RFC1: variants seen among roughly 807,000 people sequenced by gnomAD.
The protein encoded by RFC1 is A1 140 kDa subunit.
RFC1 carries 37 observed loss-of-function variants against 137.4 expected under a neutral mutation model. The observed-to-expected ratio is 0.27, with a 90% CI of 0.21 to 0.35. RFC1 has a LOEUF of 0.35. RFC1 is among the 10% of genes least tolerant of loss of function. The pLI, the probability that RFC1 is intolerant of heterozygous loss-of-function variation, is 1.00. For missense variants in RFC1, 1,205 were observed against 1,358.5 expected, an observed-to-expected ratio of 0.89 and a Z score of 1.78; for synonymous variants, 429 against 455.7, an observed-to-expected ratio of 0.94 and a Z score of 0.75.
chr4:39,304,207 G>A (rs926040699), intron 15 of RFC1, among the ~76,000 whole-genome samples: 3 of 152,168 alleles, frequency 2.0e-5, no homozygotes, highest in African/African-American at 7.2e-5. Flanking sequence ...TCCTTAACTT[G>A]AGCATCTTAT....
intron 5 of RFC1, among the ~76,000 whole-genome samples, chr4:39,327,001 G>C (rs921573506): frequency 6.6e-6 from 1 of 152,212 alleles, no homozygotes; most frequent in African/African-American, 2.4e-5. Flanking sequence ...TGGAGGAAGT[G>C]ATAGAATCAA....
chr4:39,303,777 G>A (rs1356115376), intron 15 of RFC1, among the ~76,000 whole-genome samples: 4 of 152,036 alleles, frequency 2.6e-5, no homozygotes, highest in African/African-American at 7.2e-5. Flanking sequence ...TATGTATTTT[G>A]GTGATTCATT....
At chr4:39,316,859 A>G in intron 10 of RFC1, 56 bp downstream of exon 10, 1 of 1,021,156 alleles carries the variant, frequency 9.8e-7, no homozygotes. Flanking sequence ...GAATACATAC[A>G]TGGACCCATA....
rs574061555 is a variant in RFC1 at position 39,300,024 on chromosome 4, C to T, written c.2805G>A (p.Ala935=). ...RSKQNWSLLP[A]QAIYASVLPG... ...TTAGGGAGAGCCCTCTGCTCACCTG[C>T]GCAGGCAGAAGACTCCAGTTTTGCT... The change falls in exon 21 of 25, where the codon GCG becomes GCA. Residue 935 remains alanine (A), a synonymous_variant. Coordinates refer to ENST00000349703, the MANE Select transcript of RFC1 (RefSeq NM_002913.5). 1.0e-5 allele frequency: 16 copies of T among 1,601,248 alleles called. No individual in the cohort carries two copies. Among genetic ancestry groups the T allele is most frequent in the African/African-American group, 8.0e-5 (6 of 74,708 alleles).
In RFC1 at chr4:39,319,613, G is replaced by A. The variant is rs17334999; in HGVS notation, c.1095+770C>T. 7.5e-3 allele frequency among the ~76,000 whole-genome samples: 1,141 copies of A among 152,154 alleles called. 31 individuals carry two copies. The East Asian group carries it at 0.091, about 12-fold the overall frequency. ...AAAAATATTATAATGACTTATGATC[G>A]TTAGAAATAAAACTTGAAAACAAAC... On this transcript the variant is annotated intron_variant, in intron 9 of 24. Transcript: ENST00000349703.
chr4:39,365,465 C>G, intron 1 of RFC1: 2 of 985,312 alleles, frequency 2.0e-6, no homozygotes, highest in Non-Finnish European at 2.4e-6. Flanking sequence ...GCCATACCAT[C>G]AGGAATGTCT....
chr4:39,334,709 T>C (rs1190568467), intron 4 of RFC1, among the ~76,000 whole-genome samples: 1 of 152,344 alleles, frequency 6.6e-6, no homozygotes, highest in Non-Finnish European at 1.5e-5. Context: ...GGAGAACTGG[T>C]TGAAAATCAT....
At chr4:39,319,031 T>G (rs1279074973) in intron 9 of RFC1, among the ~76,000 whole-genome samples, 1 of 152,220 alleles carries the variant, frequency 6.6e-6, no homozygotes, top group Admixed American at 6.5e-5. Flanking sequence ...CTCATCATTT[T>G]TTCCTTTAAA....
At chr4:39,356,182 C>T (rs1000460817) in intron 1 of RFC1, among the ~76,000 whole-genome samples, 2 of 152,008 alleles carry the variant, frequency 1.3e-5, no homozygotes, top group Non-Finnish European at 2.9e-5. Context: ...GGGTGGATTA[C>T]GAGGTCAGGA....
At chr4:39,301,110 AC>A (rs368354234) in intron 19 of RFC1, among the ~76,000 whole-genome samples, 124 of 151,972 alleles carry the variant, frequency 8.2e-4, no homozygotes, top group African/African-American at 2.9e-3. Context: ...ACCAAAAAAA[AC>A]AAAAACAAAA....
chr4:39,295,797 C>A, intron 21 of RFC1, 38 bp from the exon 22 acceptor site: 1 of 1,585,634 alleles, frequency 6.3e-7, no homozygotes, highest in South Asian at 1.2e-5. Context: ...ATTTATGTTC[C>A]GTACAAAGTT....
At chr4:39,299,907 T>G (rs942295360) in intron 21 of RFC1, 114 bp downstream of exon 21, 2 of 686,008 alleles carry the variant, frequency 2.9e-6, no homozygotes, top group Non-Finnish European at 5.0e-6. Flanking sequence ...AGAGCGAGAC[T>G]CGATCTCAAA....
intron 10 of RFC1, among the ~76,000 whole-genome samples, chr4:39,315,736 C>G: frequency 6.6e-6 from 1 of 152,184 alleles, no homozygotes; most frequent in East Asian, 1.9e-4. Context: ...CACCAAGTCC[C>G]ATAGATTTTG....
At chr4:39,301,273 T>C (rs1012341953) in intron 19 of RFC1, among the ~76,000 whole-genome samples, 7 of 151,964 alleles carry the variant, frequency 4.6e-5, no homozygotes, top group East Asian at 1.9e-4. Flanking sequence ...CCAGGGGTTG[T>C]AGGGAGGAAA....
intron 1 of RFC1, among the ~76,000 whole-genome samples, chr4:39,358,563 T>TA (rs1741595675): frequency 6.6e-6 from 1 of 152,198 alleles, no homozygotes; most frequent in Non-Finnish European, 1.5e-5. Context: ...CCCCTGCCCT[T>TA]ACAGAGCTTA....
At chr4:39,341,593 T>C in intron 4 of RFC1, 1 of 456,252 alleles carries the variant, frequency 2.2e-6, no homozygotes, top group Non-Finnish European at 4.4e-6. Flanking sequence ...TTTGGACTGC[T>C]ACTCAATGTG....
intron 21 of RFC1, among the ~76,000 whole-genome samples, chr4:39,299,239 A>G (rs2109599326): frequency 6.6e-6 from 1 of 152,338 alleles, no homozygotes; most frequent in African/African-American, 2.4e-5. Context: ...TAATATCTAT[A>G]GAAACAATGC....
chr4:39,363,669 C>T (rs1175877088), intron 1 of RFC1, among the ~76,000 whole-genome samples: 1 of 151,102 alleles, frequency 6.6e-6, no homozygotes, highest in Non-Finnish European at 1.5e-5. Context: ...GGTGGATCAA[C>T]TTGAGGCCAG....
intron 4 of RFC1, among the ~76,000 whole-genome samples, chr4:39,331,574 G>GA (rs573893959): frequency 7.3e-5 from 11 of 151,354 alleles, no homozygotes; most frequent in Admixed American, 2.0e-4. Context: ...TATAATATGG[G>GA]AAAAAAAATA....
Sources: allele counts gnomAD v4.1 joint callset (sites outside exome capture counted in the v4.1 genomes callset), GRCh38; gene constraint gnomAD v4.1.1; transcripts MANE v1.5; gene names NCBI Gene and HGNC (gene_info 2026-07-23, HGNC 2026-07-21).